Variants in PVT1 observed in about 807,000 individuals in gnomAD.
PVT1 encodes the protein Pvt1 oncogene.
At chr8:127,813,567 C>CA (rs1814625511) in intron 2 of PVT1, among the ~76,000 whole-genome samples, 1 of 152,146 alleles carries the variant, frequency 6.6e-6, no homozygotes, top group South Asian at 2.1e-4. Context: ...TGTCTCCTCC[C>CA]ACTCTAATAA....
intron 2 of PVT1, among the ~76,000 whole-genome samples, chr8:127,820,835 G>A (rs1814719736): frequency 6.6e-6 from 1 of 151,968 alleles, no homozygotes; most frequent in South Asian, 2.1e-4. Context: ...TCAGCCTCCC[G>A]AGTAGCTGGA....
At chr8:127,991,304 G>A (rs1817038188) in intron 4 of PVT1, among the ~76,000 whole-genome samples, 1 of 151,810 alleles carries the variant, frequency 6.6e-6, no homozygotes, top group South Asian at 2.1e-4. Context: ...CACCACGCCT[G>A]GCTACTTTTT....
chr8:127,796,134 G>A (rs1465104375), intron 2 of PVT1: 3 of 169,138 alleles, frequency 1.8e-5, no homozygotes, highest in Non-Finnish European at 4.4e-5. Context: ...AAGTGGTTGT[G>A]TTGCTGTTTT....
At chr8:127,889,448 A>G (rs1352912520) in intron 2 of PVT1, among the ~76,000 whole-genome samples, 2 of 139,764 alleles carry the variant, frequency 1.4e-5, no homozygotes, top group South Asian at 4.6e-4. Flanking sequence ...TTTTCCTGTG[A>G]TTTTTTTTTT....
At position 127,995,640 on chromosome 8, in the gene PVT1, G is replaced by A. The variant is rs527500588; in HGVS notation, n.912+6349G>A. 8.5e-5 allele frequency among the ~76,000 whole-genome samples: 13 copies of A among 152,310 alleles called. No individual in the cohort carries two copies. The South Asian group carries it at 2.5e-3, about 29-fold the overall frequency. The stretch of plus-strand genomic sequence containing the variant: ...TAGTAGTGTTTGCGGTGATGGTCGT[G>A]TTAGTACTAGTAGTAATCAAGATGG... On this transcript the variant is annotated intron_variant and non_coding_transcript_variant, in intron 4 of 10. Transcript: ENST00000651587.
At chr8:128,082,566 AC>A (rs1440552764) in intron 5 of PVT1, among the ~76,000 whole-genome samples, 1 of 152,218 alleles carries the variant, frequency 6.6e-6, no homozygotes, top group Non-Finnish European at 1.5e-5. Flanking sequence ...GGCAGGAGGC[AC>A]CAAGTCTCAG....
At chr8:127,856,735 C>T (rs1209679621) in intron 2 of PVT1, among the ~76,000 whole-genome samples, 5 of 152,192 alleles carry the variant, frequency 3.3e-5, no homozygotes, top group Non-Finnish European at 7.3e-5. Flanking sequence ...GGAGTATTGT[C>T]ATTATCCCCA....
chr8:127,914,918 T>G (rs10113217), intron 3 of PVT1, among the ~76,000 whole-genome samples: 2 of 150,446 alleles, frequency 1.3e-5, no homozygotes, highest in African/African-American at 2.5e-5. Context: ...CTCCACCTCC[T>G]GTGTTCAAGT....
chr8:127,994,354 C>A (rs551353927), intron 4 of PVT1, among the ~76,000 whole-genome samples: 1 of 152,216 alleles, frequency 6.6e-6, no homozygotes, highest in Admixed American at 6.5e-5. Context: ...CTCCCCAGCA[C>A]CTTGTGTGGT....
At chr8:127,950,581 C>T (rs1352263192) in intron 3 of PVT1, among the ~76,000 whole-genome samples, 1 of 152,194 alleles carries the variant, frequency 6.6e-6, no homozygotes, top group Non-Finnish European at 1.5e-5. Context: ...GCTTAAAGGA[C>T]TCTTGGGAGA....
intron 4 of PVT1, among the ~76,000 whole-genome samples, chr8:128,039,077 C>G (rs549001991): frequency 2.0e-5 from 3 of 152,310 alleles, no homozygotes; most frequent in African/African-American, 7.2e-5. Flanking sequence ...TGCCCCTCCT[C>G]TTGGCCACTG....
At chr8:127,993,443 A>AT (rs1376123954) in intron 4 of PVT1, among the ~76,000 whole-genome samples, 1 of 152,166 alleles carries the variant, frequency 6.6e-6, no homozygotes, top group African/African-American at 2.4e-5. Context: ...ATGGGTGATG[A>AT]TTATCATTAT....
chr8:127,854,234 C>T (rs1299589916), intron 2 of PVT1, among the ~76,000 whole-genome samples: 1 of 152,240 alleles, frequency 6.6e-6, no homozygotes, highest in Admixed American at 6.5e-5. Flanking sequence ...AAGTCTCCGG[C>T]AGTGGGCACA....
intron 6 of PVT1, among the ~76,000 whole-genome samples, chr8:128,097,838 C>T (rs895573954): frequency 6.6e-6 from 1 of 152,130 alleles, no homozygotes; most frequent in Non-Finnish European, 1.5e-5. Flanking sequence ...CAAGAACTCC[C>T]CTCTTAATTT....
intron 2 of PVT1, among the ~76,000 whole-genome samples, chr8:127,848,496 C>G (rs1031115347): frequency 4.7e-4 from 72 of 152,116 alleles, no homozygotes; most frequent in African/African-American, 1.7e-3. Context: ...CCAGCCTGAC[C>G]AACATGGAGA....
At chr8:127,957,732 G>C (rs2129938740) in intron 3 of PVT1, among the ~76,000 whole-genome samples, 1 of 152,378 alleles carries the variant, frequency 6.6e-6, no homozygotes, top group Admixed American at 6.5e-5. Flanking sequence ...CTGGGAGCGA[G>C]TGTTTCTCTT....
chr8:127,907,155 G>T (rs570114511), intron 3 of PVT1, among the ~76,000 whole-genome samples: 1 of 152,014 alleles, frequency 6.6e-6, no homozygotes, highest in Non-Finnish European at 1.5e-5. Flanking sequence ...TTTTGGTAGA[G>T]ACGGGGTTTC....
intron 5 of PVT1, among the ~76,000 whole-genome samples, chr8:128,083,371 T>C: frequency 6.6e-6 from 1 of 152,244 alleles, no homozygotes; most frequent in East Asian, 1.9e-4. Flanking sequence ...GATCCCATCA[T>C]TGGGCCACTT....
chr8:127,877,938 A>AC (rs970223575), intron 2 of PVT1, among the ~76,000 whole-genome samples: 5 of 151,042 alleles, frequency 3.3e-5, no homozygotes, highest in African/African-American at 1.2e-4. Context: ...AAAAACAACA[A>AC]CCCCCCTCCC....
Sources: gnomAD v4.1 joint callset for allele counts (sites outside exome capture counted in the v4.1 genomes callset) on GRCh38, gnomAD v4.1.1 for gene constraint, MANE v1.5 for transcripts, NCBI Gene and HGNC (gene_info 2026-07-23, HGNC 2026-07-21) for gene names.